Variants in EGLN1 observed in about 807,000 individuals in gnomAD.
EGLN1 encodes egl-9 family hypoxia inducible factor 1.
EGLN1 carries 17 observed loss-of-function variants against 38.3 expected under a neutral mutation model. That is an observed-to-expected ratio of 0.44 (90% CI 0.30 to 0.67). The LOEUF (loss-of-function observed/expected upper bound fraction) is 0.67, where lower values mean the gene tolerates loss of function less well. EGLN1 is among the 30% of genes least tolerant of loss of function. EGLN1 has a pLI of 0.08. For missense variants in EGLN1, 477 were observed against 603.3 expected, an observed-to-expected ratio of 0.79 and a Z score of 2.19; for synonymous variants, 283 against 257.5, an observed-to-expected ratio of 1.10 and a Z score of -0.95.
At chr1:231,388,757 C>T (rs11122283) in intron 1 of EGLN1, among the ~76,000 whole-genome samples, 82,720 of 151,782 alleles carry the variant, frequency 0.54, 24,137 homozygotes, top group Non-Finnish European at 0.65. Flanking sequence ...TGAGTTCAAG[C>T]GATTCTCCTG....
rs111257907 is a variant in EGLN1 at position 231,391,083 on chromosome 1, GT to G, written c.892-16985del. ...GTGTGTGAGACAGGGAACTCATTCT[GT>G]TTTTTTTTTGTGTGTGTGTGTGTGT... On this transcript the variant is annotated intron_variant, in intron 1 of 4. Coordinates refer to ENST00000366641, the MANE Select transcript of EGLN1 (RefSeq NM_022051.3). Among the ~76,000 whole-genome samples, 13 of 49,836 alleles carry G rather than the reference GT, an allele frequency of 2.6e-4. 2 individuals are homozygous for G. The highest frequency in any genetic ancestry group is 7.6e-4 in the Admixed American group (4 of 5,258). 32.7% of individuals were successfully genotyped at this position (49,836 alleles called of 152,430 possible).
At chr1:231,417,135 TCAC>T (rs1307081277) in intron 1 of EGLN1, among the ~76,000 whole-genome samples, 1 of 152,226 alleles carries the variant, frequency 6.6e-6, no homozygotes, top group African/African-American at 2.4e-5. Flanking sequence ...AGAGGATTGT[TCAC>T]CACATCTCTG....
intron 1 of EGLN1, among the ~76,000 whole-genome samples, chr1:231,409,464 G>C (rs528212002): frequency 6.6e-6 from 1 of 152,100 alleles, no homozygotes; most frequent in Non-Finnish European, 1.5e-5. Flanking sequence ...ACACAGATCA[G>C]ACACTCAGTA....
At chr1:231,420,246 AGG>A (rs1483428412) in intron 1 of EGLN1, 1 of 152,272 alleles carries the variant, frequency 6.6e-6, no homozygotes, top group Non-Finnish European at 1.5e-5. Flanking sequence ...TTTGTTTTCC[AGG>A]AAGTTACAAA....
At position 231,421,947 on chromosome 1, in the gene EGLN1, G is replaced by C; in HGVS notation, c.-59C>G. 1 of 1,337,948 alleles carries C rather than the reference G, an allele frequency of 7.5e-7. No homozygotes were observed. Among genetic ancestry groups the C allele is most frequent in the African/African-American group, 1.5e-5 (1 of 64,548 alleles). 82.9% of individuals were successfully genotyped at this position (1,337,948 alleles called of 1,614,324 possible). A position where few individuals can be genotyped will look rare whatever the true frequency, so the allele number is the denominator to read the frequency against. On this transcript the variant is annotated 5_prime_UTR_variant, in exon 1 of 5. Transcript: ENST00000366641. This position sits in a 1 kb window ranked among gnomAD's most constrained non-coding sequence, Gnocchi z 5.5. Reference sequence around the variant, plus strand: ...GGCCGAGCAGGAGGGGTAGCGGCCGGACGGCCTCGCCCGAGGCTGGGGAGC... The same window carrying C: ...GGCCGAGCAGGAGGGGTAGCGGCCGCACGGCCTCGCCCGAGGCTGGGGAGC...
chr1:231,371,352 T>C (rs1316514259), intron 2 of EGLN1, among the ~76,000 whole-genome samples: 2 of 152,328 alleles, frequency 1.3e-5, no homozygotes, highest in Middle Eastern at 3.4e-3. Flanking sequence ...TCAAGAAATT[T>C]TGACAAAATT....
At chr1:231,381,725 CATT>C (rs948341628) in intron 1 of EGLN1, among the ~76,000 whole-genome samples, 3 of 152,194 alleles carry the variant, frequency 2.0e-5, no homozygotes, top group South Asian at 2.1e-4. Flanking sequence ...TGGTGAAACA[CATT>C]ATATTTTGAG....
intron 1 of EGLN1, among the ~76,000 whole-genome samples, chr1:231,402,381 G>A (rs1688684731): frequency 6.6e-6 from 1 of 150,386 alleles, no homozygotes; most frequent in African/African-American, 2.4e-5. Flanking sequence ...TTATCTTGAG[G>A]TCACAAGGAT....
chr1:231,377,392 C>G (rs1163485971), intron 1 of EGLN1, among the ~76,000 whole-genome samples: 3 of 152,124 alleles, frequency 2.0e-5, no homozygotes, highest in Non-Finnish European at 4.4e-5. Context: ...AGTTTCCGGG[C>G]AAGAAACCAA....
At chr1:231,386,599 TC>T (rs1202737274) in intron 1 of EGLN1, among the ~76,000 whole-genome samples, 2 of 152,242 alleles carry the variant, frequency 1.3e-5, no homozygotes, top group African/African-American at 2.4e-5. Flanking sequence ...CATTTTTTTT[TC>T]TGGGTTTCCC....
chr1:231,406,055 G>A (rs1688783583), intron 1 of EGLN1, among the ~76,000 whole-genome samples: 1 of 116,656 alleles, frequency 8.6e-6, no homozygotes, highest in Admixed American at 1.3e-4. Flanking sequence ...TTTTAATTCA[G>A]GTAGGCTGAG....
At chr1:231,404,487 G>T (rs1471657486) in intron 1 of EGLN1, among the ~76,000 whole-genome samples, 1 of 152,062 alleles carries the variant, frequency 6.6e-6, no homozygotes, top group Non-Finnish European at 1.5e-5. Flanking sequence ...AGTAAGACCT[G>T]TAAAATAAGG....
intron 1 of EGLN1, among the ~76,000 whole-genome samples, chr1:231,380,472 A>ATG (rs1238376715): frequency 6.8e-6 from 1 of 147,366 alleles, no homozygotes; most frequent in Non-Finnish European, 1.5e-5. Flanking sequence ...AGGTATATAT[A>ATG]TATTTTAAAA....
At chr1:231,403,111 G>C in intron 1 of EGLN1, among the ~76,000 whole-genome samples, 1 of 152,086 alleles carries the variant, frequency 6.6e-6, no homozygotes, top group South Asian at 2.1e-4. Context: ...AATATACTCT[G>C]TATGATTTCA....
intron 1 of EGLN1, among the ~76,000 whole-genome samples, chr1:231,418,806 G>C (rs1158003081): frequency 2.6e-5 from 4 of 151,480 alleles, no homozygotes; most frequent in Admixed American, 1.3e-4. Context: ...AAGCTGCAGT[G>C]GGCCATGCTT....
intron 1 of EGLN1, among the ~76,000 whole-genome samples, chr1:231,386,472 T>A (rs1476603241): frequency 6.6e-6 from 1 of 152,268 alleles, no homozygotes; most frequent in Non-Finnish European, 1.5e-5. Flanking sequence ...CTGTTTCATC[T>A]AACATTAACC....
At chr1:231,381,235 T>C (rs1228977021) in intron 1 of EGLN1, among the ~76,000 whole-genome samples, 4 of 152,150 alleles carry the variant, frequency 2.6e-5, no homozygotes, top group Middle Eastern at 3.2e-3. Context: ...GCTCTTTGGT[T>C]GTTAACCGCT....
Position 231,422,050 on chromosome 1 carries a change from G to C in EGLN1, c.-162C>G. 1.4e-6 allele frequency: 1 copy of C among 713,818 alleles called. No individual in the cohort carries two copies. The highest frequency in any genetic ancestry group is 2.0e-6 in the Non-Finnish European group (1 of 504,220). 44.2% of individuals were successfully genotyped at this position (713,818 alleles called of 1,614,324 possible). On this transcript the variant is annotated 5_prime_UTR_variant, in exon 1 of 5. Coordinates refer to ENST00000366641, the MANE Select transcript of EGLN1 (RefSeq NM_022051.3). ...AGGGAGGCCGGCACCCCACGCCCTCGGCCCGGCCGCTTCCGAGTCCTAAGC... is the reference window on the plus strand; with the variant it reads ...AGGGAGGCCGGCACCCCACGCCCTCCGCCCGGCCGCTTCCGAGTCCTAAGC...
intron 1 of EGLN1, 103 bp downstream of exon 1, chr1:231,420,895 T>C: frequency 1.9e-6 from 3 of 1,607,786 alleles, no homozygotes; most frequent in East Asian, 4.5e-5. Context: ...GAGTCCCTTC[T>C]ATATAGAGGA....
Sources: allele counts gnomAD v4.1 joint callset (sites outside exome capture counted in the v4.1 genomes callset), GRCh38; gene constraint gnomAD v4.1.1; non-coding constraint Gnocchi (gnomAD v3.1); transcripts MANE v1.5; gene names NCBI Gene and HGNC (gene_info 2026-07-23, HGNC 2026-07-21).